NEK10: variants seen among roughly 807,000 people sequenced by gnomAD.
The protein encoded by NEK10 is NIMA related kinase 10, also known as serine/threonine-protein kinase Nek10.
NEK10 carries 122 observed loss-of-function variants against 159.8 expected under a neutral mutation model. That is an observed-to-expected ratio of 0.76 (90% CI 0.66 to 0.89). The LOEUF (loss-of-function observed/expected upper bound fraction) is 0.89, where lower values mean the gene tolerates loss of function less well. Ranked by LOEUF, NEK10 falls within the 40% of genes least tolerant of loss-of-function variation. NEK10 has a pLI of 0.00. For missense variants in NEK10, 1,342 were observed against 1,323.1 expected (o/e 1.01, Z -0.22); for synonymous variants, 466 against 457.1 (o/e 1.02, Z -0.25).
intron 23 of NEK10, chr3:27,215,968 C>T: frequency 3.9e-6 from 2 of 518,760 alleles, no homozygotes; most frequent in Non-Finnish European, 6.9e-6. Flanking sequence ...TCACCTCCCA[C>T]CAGGCTCCAC....
chr3:27,353,759 T>C (rs1392485432), intron 1 of NEK10, among the ~76,000 whole-genome samples: 1 of 152,132 alleles, frequency 6.6e-6, no homozygotes, highest in East Asian at 1.9e-4. Flanking sequence ...ACTCTCAGAC[T>C]GAAAACTGCT....
At chr3:27,215,465 GTGTTA>G in intron 23 of NEK10, 1 of 382,100 alleles carries the variant, frequency 2.6e-6, no homozygotes, top group Non-Finnish European at 4.6e-6. Flanking sequence ...CCTGTTCAGT[GTGTTA>G]TAAGAATTGC....
intron 12 of NEK10, among the ~76,000 whole-genome samples, chr3:27,304,072 A>G (rs1179013743): frequency 1.3e-5 from 2 of 152,234 alleles, no homozygotes; most frequent in Non-Finnish European, 2.9e-5. Context: ...ACGTACTTCT[A>G]GAGAATTTCA....
chr3:27,144,406 C>T (rs968437681), intron 30 of NEK10, among the ~76,000 whole-genome samples: 2 of 152,096 alleles, frequency 1.3e-5, no homozygotes, highest in Admixed American at 6.6e-5. Flanking sequence ...CCTCATTGTG[C>T]GTAAGTACAA....
chr3:27,247,418 G>A (rs1036369379), intron 23 of NEK10, among the ~76,000 whole-genome samples: 7 of 152,250 alleles, frequency 4.6e-5, no homozygotes, highest in African/African-American at 1.2e-4. Context: ...TTGATACAAT[G>A]TATCACATTG....
At chr3:27,264,103 C>T (rs1044260291) in intron 22 of NEK10, among the ~76,000 whole-genome samples, 1 of 152,096 alleles carries the variant, frequency 6.6e-6, no homozygotes, top group East Asian at 1.9e-4. Context: ...GAGAAATTAA[C>T]AAAGTGAGAT....
chr3:27,240,654 C>CG (rs35336559), intron 23 of NEK10, among the ~76,000 whole-genome samples: 1 of 141,476 alleles, frequency 7.1e-6, no homozygotes, highest in Non-Finnish European at 1.5e-5. Context: ...ACTATCTCAT[C>CG]TTTTTTTTTT....
chr3:27,284,728 A>G, intron 21 of NEK10, 24 bp from the exon 22 acceptor site: 1 of 1,563,684 alleles, frequency 6.4e-7, no homozygotes, highest in East Asian at 2.2e-5. Flanking sequence ...ATAGAAAACA[A>G]ATTTTATTTC....
chr3:27,276,322 C>T (rs934722614), intron 22 of NEK10, among the ~76,000 whole-genome samples: 3 of 151,998 alleles, frequency 2.0e-5, no homozygotes, highest in Non-Finnish European at 4.4e-5. Flanking sequence ...GTCCCAGAAA[C>T]TGGACATATC....
In NEK10 at chr3:27,197,568, G is replaced by A. The variant is rs145935361; in HGVS notation, c.2291+3942C>T. Among the ~76,000 whole-genome samples the A allele has an allele frequency of 2.7e-3, 418 of 152,128 alleles. 1 individual carries two copies. The highest frequency in any genetic ancestry group is 9.7e-3 in the African/African-American group (401 of 41,498). ...CTGAGGCCTTAAGACTGTAGATTTC[G>A]GCTTCACTGTTGTTATATAGAAATG... On this transcript the variant is annotated intron_variant, in intron 25 of 35. Transcript: ENST00000691995.
rs1181438718 is a variant in NEK10, at chr3:27,109,624, G to A, written c.*1648C>T. On this transcript the variant is annotated 3_prime_UTR_variant, in exon 36 of 36. Coordinates refer to ENST00000691995, the MANE Select transcript of NEK10 (RefSeq NM_001394966.1). ...GTGCCCCTCCAGGTCTGTGCTTCCT[G>A]CATGAAGAAGAAATGTGCCCCTTTC... Among the ~76,000 whole-genome samples the A allele has an allele frequency of 2.0e-5, 3 of 152,112 alleles. No homozygotes were observed. The highest frequency in any genetic ancestry group is 7.2e-5 in the African/African-American group (3 of 41,416).
Position 27,215,669 on chromosome 3 carries a change from A to C in NEK10, c.2091-13112T>G, listed in dbSNP as rs1468895730. The C allele has an allele frequency of 6.5e-6, 4 of 612,650 alleles. No individual in the cohort carries two copies. In the African/African-American group the frequency reaches 7.4e-5, roughly 11 times the overall value. The allele number at this position is 612,650 out of a possible 1,614,324, so 38.0% of individuals were successfully genotyped here. A position where few individuals can be genotyped will look rare whatever the true frequency, so the allele number is the denominator to read the frequency against. ...AAAGAGTGTATGAATCCGTTCTTGC[A>C]CTACTACAAAGAAATACCTGAGACT... On this transcript the variant is annotated intron_variant, in intron 23 of 35. Transcript: ENST00000691995.
At chr3:27,330,091 C>T (rs992471096) in intron 5 of NEK10, among the ~76,000 whole-genome samples, 1 of 151,942 alleles carries the variant, frequency 6.6e-6, no homozygotes, top group East Asian at 1.9e-4. Context: ...ATTTTTTAAT[C>T]TGCAGTTGGT....
chr3:27,278,265 C>T (rs961095664), intron 22 of NEK10, among the ~76,000 whole-genome samples: 20 of 152,162 alleles, frequency 1.3e-4, no homozygotes, highest in African/African-American at 4.1e-4. Flanking sequence ...TACATTCTAG[C>T]CTTCATCACT....
intron 26 of NEK10, among the ~76,000 whole-genome samples, chr3:27,191,367 C>T (rs552193506): frequency 6.6e-6 from 1 of 150,900 alleles, no homozygotes; most frequent in South Asian, 2.1e-4. Flanking sequence ...CATGAGCAAA[C>T]AACAGAACAC....
At chr3:27,141,286 G>A (rs567647278) in intron 31 of NEK10, among the ~76,000 whole-genome samples, 196 bp downstream of exon 31, 1 of 152,252 alleles carries the variant, frequency 6.6e-6, no homozygotes, top group South Asian at 2.1e-4. Flanking sequence ...GAATCATAGG[G>A]AAAATCCCAT....
intron 5 of NEK10, among the ~76,000 whole-genome samples, chr3:27,327,581 C>G (rs757593852): frequency 2.0e-4 from 30 of 152,118 alleles, no homozygotes; most frequent in Admixed American, 5.2e-4. Flanking sequence ...CAACTTCTTA[C>G]ACAGTAAGAG....
At chr3:27,146,074 T>C (rs1330552671) in intron 30 of NEK10, among the ~76,000 whole-genome samples, 1 of 152,172 alleles carries the variant, frequency 6.6e-6, no homozygotes. Flanking sequence ...TATCTATCTC[T>C]CTCAACATTT....
intron 6 of NEK10, among the ~76,000 whole-genome samples, chr3:27,319,055 G>GT (rs1230917009): frequency 6.6e-6 from 1 of 152,184 alleles, no homozygotes; most frequent in Non-Finnish European, 1.5e-5. Flanking sequence ...GTGGTACAGT[G>GT]TGTCTCCTGC....
Sources: gnomAD v4.1 joint callset for allele counts (sites outside exome capture counted in the v4.1 genomes callset) on GRCh38, gnomAD v4.1.1 for gene constraint, MANE v1.5 for transcripts, NCBI Gene and HGNC (gene_info 2026-07-23, HGNC 2026-07-21) for gene names.